Variants in KIF6 observed in about 807,000 individuals in gnomAD.
KIF6 encodes the protein kinesin-like protein KIF6.
In KIF6, 106 loss-of-function variants were observed where a neutral mutation model predicts 112.7. That is an observed-to-expected ratio of 0.94 (90% CI 0.80 to 1.11). The LOEUF is 1.11. Among genes scored for constraint, KIF6 ranks in the 50% least tolerant of loss-of-function variants. The pLI, the probability that KIF6 is intolerant of heterozygous loss-of-function variation, is 0.00. For synonymous variants in KIF6, 339 were observed against 339.9 expected, an observed-to-expected ratio of 1.00 and a Z score of 0.03; for missense variants, 929 against 964.0, an observed-to-expected ratio of 0.96 and a Z score of 0.48.
intron 13 of KIF6, among the ~76,000 whole-genome samples, chr6:39,531,823 C>A (rs1172858768): frequency 6.6e-6 from 1 of 152,186 alleles, no homozygotes; most frequent in African/African-American, 2.4e-5. Flanking sequence ...TGTCCTTTGG[C>A]CTGGACTTCT....
intron 3 of KIF6, among the ~76,000 whole-genome samples, chr6:39,666,784 T>C (rs11758587): frequency 0.02 from 2,991 of 152,316 alleles, 53 homozygotes; most frequent in Non-Finnish European, 0.029. Context: ...ATTTTTCGCC[T>C]GTGTTTTCAC....
At chr6:39,554,907 CTG>C (rs1779603405) in intron 10 of KIF6, 1 of 204,626 alleles carries the variant, frequency 4.9e-6, no homozygotes, top group Non-Finnish European at 1.0e-5. Context: ...GTAAGGGTGT[CTG>C]TGACCTCTTT....
intron 6 of KIF6, among the ~76,000 whole-genome samples, chr6:39,604,851 A>G (rs977824219): frequency 6.6e-6 from 1 of 152,098 alleles, no homozygotes; most frequent in East Asian, 1.9e-4. Context: ...TCAAAGATCT[A>G]TTGGCCGACT....
intron 13 of KIF6, among the ~76,000 whole-genome samples, chr6:39,461,771 TA>T (rs1773493716): frequency 2.0e-5 from 3 of 152,172 alleles, no homozygotes; most frequent in Admixed American, 6.5e-5. Flanking sequence ...AACTGAGTAG[TA>T]AAAAATTATT....
chr6:39,683,839 A>G (rs1787680237), intron 3 of KIF6, among the ~76,000 whole-genome samples: 1 of 152,180 alleles, frequency 6.6e-6, no homozygotes, highest in South Asian at 2.1e-4. Context: ...AAAGAGGAGG[A>G]AGTAGGATTA....
At chr6:39,390,737 T>A (rs1483584730) in intron 15 of KIF6, among the ~76,000 whole-genome samples, 2 of 152,178 alleles carry the variant, frequency 1.3e-5, no homozygotes, top group Non-Finnish European at 2.9e-5. Context: ...GGGGAGAATA[T>A]GCAGAATATG....
chr6:39,595,956 T>A, intron 7 of KIF6, 98 bp downstream of exon 7: 1 of 898,940 alleles, frequency 1.1e-6, no homozygotes, highest in East Asian at 2.7e-5. Flanking sequence ...ATATATTTCA[T>A]CATAATAAAA....
At chr6:39,662,060 T>C (rs1235261154) in intron 3 of KIF6, among the ~76,000 whole-genome samples, 1 of 152,212 alleles carries the variant, frequency 6.6e-6, no homozygotes, top group Non-Finnish European at 1.5e-5. Context: ...ATAGAATATA[T>C]TTAAGTGTAC....
At position 39,720,737 on chromosome 6, in the gene KIF6, C is replaced by A. The variant is rs1427102891; in HGVS notation, c.141G>T (p.Gly47=). 2.5e-6 allele frequency: 4 copies of A among 1,607,824 alleles called. No homozygotes were observed. In the African/African-American group the frequency reaches 5.3e-5, roughly 21 times the overall value. The stretch of plus-strand genomic sequence containing the variant: ...AGCTTTCTCGCTTATTATTCACAAA[C>A]CCATCTGCCAAATCACGTGGTAAGA... ...EIILPRDLAD[G]FVNNKRESYK... The change falls in exon 2 of 23, where the codon GGG becomes GGT. Residue 47 remains glycine (G), a synonymous_variant. Coordinates refer to ENST00000287152, the MANE Select transcript of KIF6 (RefSeq NM_145027.6).
At chr6:39,469,207 A>T (rs1396843147) in intron 13 of KIF6, among the ~76,000 whole-genome samples, 1 of 152,192 alleles carries the variant, frequency 6.6e-6, no homozygotes, top group Admixed American at 6.5e-5. Flanking sequence ...AGGGATTAAA[A>T]TGCTACACTA....
At chr6:39,547,311 C>T (rs933227948) in intron 10 of KIF6, among the ~76,000 whole-genome samples, 1 of 152,024 alleles carries the variant, frequency 6.6e-6, no homozygotes, top group Non-Finnish European at 1.5e-5. Flanking sequence ...CAATTTATAC[C>T]GTTACTTTTA....
At chr6:39,563,217 T>C (rs1780102750) in intron 10 of KIF6, among the ~76,000 whole-genome samples, 1 of 152,036 alleles carries the variant, frequency 6.6e-6, no homozygotes, top group Non-Finnish European at 1.5e-5. Context: ...GCCTGGGTGA[T>C]AGAGTGAGGG....
rs1763396347 is a variant in KIF6 at position 39,342,614 on chromosome 6, T to TTA, written c.2428+1094_2428+1095insTA. 7.6e-6 allele frequency among the ~76,000 whole-genome samples: 1 copy of TTA among 132,072 alleles called. No individual in the cohort carries two copies. The highest frequency in any genetic ancestry group is 3.6e-5 in the African/African-American group (1 of 27,926). The allele number at this position is 132,072 out of a possible 152,430, so 86.6% of individuals were successfully genotyped here. A position where few individuals can be genotyped will look rare whatever the true frequency, so the allele number is the denominator to read the frequency against. The stretch of plus-strand genomic sequence containing the variant: ...ATCCAGTTTTTTATTTTTTTTTATT[T>TTA]TTTTTTATTTTTTTTTATTTTTAGA... On this transcript the variant is annotated intron_variant, in intron 22 of 22. Coordinates refer to ENST00000287152, the MANE Select transcript of KIF6 (RefSeq NM_145027.6). The surrounding 1 kb of genome is among the most constrained non-coding windows in gnomAD (Gnocchi z 4.7).
Position 39,647,798 on chromosome 6 carries a change from C to G in KIF6, c.252-8041G>C, listed in dbSNP as rs576556590. On this transcript the variant is annotated intron_variant, in intron 3 of 22. Transcript: ENST00000287152. ...CTCAGCTCACTGCAACCTCCGCCTC[C>G]CGGGTTCAGTTCAAGTGATTCTCCT... Among the ~76,000 whole-genome samples, 19 of 151,718 alleles carry G rather than the reference C, an allele frequency of 1.3e-4. No homozygotes were observed. In the South Asian group the frequency reaches 4.0e-3, roughly 32 times the overall value.
chr6:39,593,537 T>C (rs910013687), intron 7 of KIF6, among the ~76,000 whole-genome samples: 1 of 152,224 alleles, frequency 6.6e-6, no homozygotes. Context: ...TATTATCTTA[T>C]GTTGAACCTT....
At chr6:39,586,569 G>T (rs1426952345) in intron 7 of KIF6, among the ~76,000 whole-genome samples, 165 bp from the exon 8 acceptor site, 1 of 152,190 alleles carries the variant, frequency 6.6e-6, no homozygotes, top group East Asian at 1.9e-4. Flanking sequence ...ACAATATTCA[G>T]TACAAGATGG....
chr6:39,595,504 C>T (rs1157568401), intron 7 of KIF6, among the ~76,000 whole-genome samples: 1 of 152,072 alleles, frequency 6.6e-6, no homozygotes, highest in Non-Finnish European at 1.5e-5. Flanking sequence ...GTAGATCTAC[C>T]AATGTTTCTG....
At chr6:39,351,012 A>G (rs1764201853) in intron 19 of KIF6, among the ~76,000 whole-genome samples, 1 of 152,058 alleles carries the variant, frequency 6.6e-6, no homozygotes, top group Non-Finnish European at 1.5e-5. Flanking sequence ...AGGGCTGAAC[A>G]GCGCTCTAGG....
At chr6:39,524,174 T>G (rs972796209) in intron 13 of KIF6, among the ~76,000 whole-genome samples, 23 of 144,740 alleles carry the variant, frequency 1.6e-4, no homozygotes, top group African/African-American at 2.4e-4. Context: ...GAGAGAGAGA[T>G]AGAAACAGAG....
Sources: allele counts gnomAD v4.1 joint callset (sites outside exome capture counted in the v4.1 genomes callset), GRCh38; gene constraint gnomAD v4.1.1; non-coding constraint Gnocchi (gnomAD v3.1); transcripts MANE v1.5; gene names NCBI Gene and HGNC (gene_info 2026-07-23, HGNC 2026-07-21).